ALOXE3: variants seen among roughly 807,000 people sequenced by gnomAD.
ALOXE3 encodes arachidonate epidermal lipoxygenase 3.
A neutral mutation model predicts 87.5 loss-of-function variants in ALOXE3; 78 were observed. The ratio of observed to expected loss-of-function variants is 0.89; its 90% CI spans 0.74 to 1.08. The LOEUF is 1.08. Ranked by LOEUF, ALOXE3 falls within the 50% of genes least tolerant of loss-of-function variation. The pLI is 0.00. For synonymous variants in ALOXE3, 363 were observed against 370.8 expected, an observed-to-expected ratio of 0.98 and a Z score of 0.24; for missense variants, 946 against 912.4, an observed-to-expected ratio of 1.04 and a Z score of -0.47.
At chr17:8,113,654 AAACAAC>A (rs376122895) in intron 6 of ALOXE3, among the ~76,000 whole-genome samples, 2 of 149,558 alleles carry the variant, frequency 1.3e-5, no homozygotes, top group African/African-American at 2.6e-5. Context: ...CTCCGTCTCA[AAACAAC>A]AACAACAACA....
rs74645971 is a variant in ALOXE3 at position 8,108,116 on chromosome 17, G to A, written c.1684+352C>T. Among the ~76,000 whole-genome samples the A allele has an allele frequency of 2.5e-3, 369 of 146,396 alleles. 22 individuals are homozygous for A. The highest frequency in any genetic ancestry group is 9.7e-3 in the African/African-American group (350 of 36,106). ...GGCCACGTGGCAGGACAGGAAGGAG[G>A]GTTTGAGAGAAAGTTCCCAGAATCC... On this transcript the variant is annotated intron_variant, in intron 13 of 15. Transcript: ENST00000448843.
intron 13 of ALOXE3, among the ~76,000 whole-genome samples, chr17:8,107,092 C>T (rs1979372487): frequency 6.6e-6 from 1 of 152,036 alleles, no homozygotes; most frequent in South Asian, 2.1e-4. Context: ...TAATTAGATC[C>T]CCCTTTGGGT....
intron 15 of ALOXE3, among the ~76,000 whole-genome samples, chr17:8,100,687 A>G (rs1338892576): frequency 1.3e-5 from 2 of 152,102 alleles, no homozygotes; most frequent in Non-Finnish European, 2.9e-5. Context: ...AGGCATGGTC[A>G]TGCACACTGC....
chr17:8,117,716 G>C (rs1377577112), intron 2 of ALOXE3, 128 bp downstream of exon 2: 43 of 1,520,478 alleles, frequency 2.8e-5, no homozygotes, highest in Non-Finnish European at 3.3e-5. Context: ...GACCTCAATA[G>C]GGAAGGTGAG....
chr17:8,115,301 T>G (rs1980490409), intron 4 of ALOXE3, among the ~76,000 whole-genome samples: 1 of 152,066 alleles, frequency 6.6e-6, no homozygotes, highest in African/African-American at 2.4e-5. Context: ...GCCGGTTTAG[T>G]GGGGGAGGCT....
chr17:8,113,836 A>G (rs368683584), intron 6 of ALOXE3, among the ~76,000 whole-genome samples: 14 of 152,062 alleles, frequency 9.2e-5, no homozygotes, highest in Middle Eastern at 3.4e-3. Context: ...AGACCAGCCT[A>G]ACCAACATGA....
intron 15 of ALOXE3, 125 bp downstream of exon 15, chr17:8,103,198 C>A (rs1979030450): frequency 8.7e-7 from 1 of 1,150,856 alleles, no homozygotes; most frequent in Non-Finnish European, 1.3e-6. Flanking sequence ...AATTGAAGAA[C>A]CCAAGGCAGT....
At chr17:8,108,673 G>A (rs1013754453) in intron 12 of ALOXE3, 84 bp from the exon 13 acceptor site, 28 of 1,568,960 alleles carry the variant, frequency 1.8e-5, no homozygotes, top group Non-Finnish European at 2.3e-5. Flanking sequence ...CTGCTCAGGC[G>A]GCAGAGAGAC....
chr17:8,110,052 C>T (rs774279430), intron 10 of ALOXE3, 40 bp downstream of exon 10: 1 of 1,583,156 alleles, frequency 6.3e-7, no homozygotes, highest in Non-Finnish European at 8.6e-7. Flanking sequence ...CAAGGCCGCC[C>T]GGCCCCTGCC....
rs766288709 is a variant in ALOXE3, at chr17:8,110,485, G to A, written c.1001C>T (p.Ala334Val). The A allele has an allele frequency of 6.8e-6, 11 of 1,613,766 alleles. No homozygotes were observed. Among genetic ancestry groups the A allele is most frequent in the Admixed American group, 1.7e-5 (1 of 59,992 alleles). The change falls in exon 9 of 16, where the codon GCC (alanine) becomes GTC (valine). Residue 334 changes from alanine to valine, a missense_variant. Transcript: ENST00000448843. ...GCGGCCGTTTAGGCAGTGGGTGGGGGCCTCCGCCAGGATCCAGTAGTCCGC... is the reference window on the plus strand; with the variant it reads ...GCGGCCGTTTAGGCAGTGGGTGGGGACCTCCGCCAGGATCCAGTAGTCCGC... The part of the protein sequence containing the change: ...FLADYWILAE[A>V]PTHCLNGRQQ...
At position 8,104,190 on chromosome 17, in the gene ALOXE3, TGG is replaced by T. The variant is rs1567993501; in HGVS notation, c.1708_1709del (p.Pro570ArgfsTer27). 1.2e-6 allele frequency: 2 copies of T among 1,613,854 alleles called. No homozygotes were observed. Among genetic ancestry groups the T allele is most frequent in the Admixed American group, 3.3e-5 (2 of 59,998 alleles). ...SSGFPSRLCT[P>X]GEMVKFLTAI... is the part of the protein sequence containing the mutation. ...CAGTGAGGAACTTCACCATCTCTCC[TGG>T]GGTGCACAGCCGGCTTGGGAAACCT... On this transcript the variant is annotated frameshift_variant, in exon 14 of 16. Transcript: ENST00000448843. LOFTEE classifies it high-confidence loss of function.
chr17:8,107,319 C>G (rs1979392763), intron 13 of ALOXE3, among the ~76,000 whole-genome samples: 1 of 152,164 alleles, frequency 6.6e-6, no homozygotes, highest in African/African-American at 2.4e-5. Flanking sequence ...GAGTTCAAGA[C>G]CAGCCTGTCC....
chr17:8,118,851 C>G, upstream of ALOXE3: 2 of 1,533,812 alleles, frequency 1.3e-6, no homozygotes, highest in Non-Finnish European at 1.7e-6. Context: ...ATCTGGGCCA[C>G]TAGGGACTGG....
chr17:8,105,774 A>T (rs992416994), intron 13 of ALOXE3, among the ~76,000 whole-genome samples: 1 of 151,846 alleles, frequency 6.6e-6, no homozygotes, highest in Non-Finnish European at 1.5e-5. Context: ...GGATGCAGTG[A>T]TGTGGTGGTG....
intron 6 of ALOXE3, 140 bp downstream of exon 6, chr17:8,114,344 G>T: frequency 8.4e-7 from 1 of 1,192,466 alleles, no homozygotes; most frequent in Non-Finnish European, 1.2e-6. Context: ...GGGGCAGGGA[G>T]AGGGAATGAG....
intron 15 of ALOXE3, among the ~76,000 whole-genome samples, chr17:8,097,139 A>T (rs182352168): frequency 6.6e-6 from 1 of 152,120 alleles, no homozygotes; most frequent in East Asian, 1.9e-4. Context: ...ACTAGAAAAA[A>T]AAATTTTTGA....
chr17:8,102,651 TC>T (rs1388033301), intron 15 of ALOXE3, among the ~76,000 whole-genome samples: 1 of 152,086 alleles, frequency 6.6e-6, no homozygotes, highest in African/African-American at 2.4e-5. Context: ...TTCTTCCCCC[TC>T]CCTAAAAAAG....
chr17:8,100,314 A>T (rs1978844936), intron 15 of ALOXE3, among the ~76,000 whole-genome samples: 2 of 152,002 alleles, frequency 1.3e-5, no homozygotes, highest in South Asian at 4.2e-4. Context: ...GTCCTGGGGG[A>T]TAAGACAGCA....
rs1978527645 is a variant in ALOXE3, at chr17:8,096,132, GA to G, written c.*494del. 1 of 165,188 alleles carries G rather than the reference GA, an allele frequency of 6.1e-6. No homozygotes were observed. Among genetic ancestry groups the G allele is most frequent in the Admixed American group, 5.6e-5 (1 of 17,700 alleles). 10.2% of individuals were successfully genotyped at this position (165,188 alleles called of 1,614,324 possible). A position where few individuals can be genotyped will look rare whatever the true frequency, so the allele number is the denominator to read the frequency against. ...CCTTAAAGGTGCTAGGGACAAAGGG[GA>G]CCACATGTTAGACCCAGGCACACAG... On this transcript the variant is annotated 3_prime_UTR_variant, in exon 16 of 16. Coordinates refer to ENST00000448843, the MANE Select transcript of ALOXE3 (RefSeq NM_021628.3).
Sources: allele counts gnomAD v4.1 joint callset (sites outside exome capture counted in the v4.1 genomes callset), GRCh38; gene constraint gnomAD v4.1.1; transcripts MANE v1.5; gene names NCBI Gene and HGNC (gene_info 2026-07-23, HGNC 2026-07-21).